The following ANK3 variants were observed in gnomAD, a reference collection of about 807,000 sequenced individuals.
ANK3 encodes the protein ankyrin-3.
ANK3 carries 57 observed loss-of-function variants against 370.9 expected under a neutral mutation model. The observed-to-expected ratio is 0.15, with a 90% confidence interval of 0.12 to 0.19. The LOEUF (loss-of-function observed/expected upper bound fraction) is 0.19. Ranked by LOEUF, ANK3 falls within the 10% of genes least tolerant of loss-of-function variation. The probability of loss-of-function intolerance (pLI) is 1.00; values close to 1 mark genes in which losing one functional copy is unlikely to be tolerated. For synonymous variants in ANK3, 1,929 were observed against 1,946.3 expected, an observed-to-expected ratio of 0.99 and a Z score of 0.23; for missense variants, 4,439 against 5,302.1, an observed-to-expected ratio of 0.84 and a Z score of 5.06.
chr10:60,130,102 G>T (rs1290798429), intron 25 of ANK3, among the ~76,000 whole-genome samples: 2 of 152,184 alleles, frequency 1.3e-5, no homozygotes, highest in Non-Finnish European at 1.5e-5. Context: ...GGAAGTTCAT[G>T]ATAACCTGTA....
chr10:60,327,747 G>A (rs924543440), intron 1 of ANK3, among the ~76,000 whole-genome samples: 6 of 152,084 alleles, frequency 3.9e-5, no homozygotes, highest in African/African-American at 7.2e-5. Flanking sequence ...CTACAGCTCC[G>A]CAGCCTGGCT....
At chr10:60,627,410 TAAAAAA>T (rs2078426405) in intron 1 of ANK3, among the ~76,000 whole-genome samples, 1 of 138,034 alleles carries the variant, frequency 7.2e-6, no homozygotes, top group Admixed American at 7.8e-5. Flanking sequence ...AAAAAAAAGA[TAAAAAA>T]TAAAAATAAA....
chr10:60,500,332 A>G (rs1007552254), intron 2 of ANK3, among the ~76,000 whole-genome samples: 1 of 152,190 alleles, frequency 6.6e-6, no homozygotes, highest in African/African-American at 2.4e-5. Context: ...AATCATGCAT[A>G]CCAAACCTCA....
At chr10:60,281,440 G>A (rs1224948153) in intron 1 of ANK3, among the ~76,000 whole-genome samples, 1 of 152,172 alleles carries the variant, frequency 6.6e-6, no homozygotes, top group East Asian at 1.9e-4. Context: ...TCCTAGTTGA[G>A]AACCACTGCT....
upstream of ANK3, among the ~76,000 whole-genome samples, chr10:60,391,030 T>C (rs1246202800): frequency 6.6e-6 from 1 of 152,188 alleles, no homozygotes; most frequent in African/African-American, 2.4e-5. Flanking sequence ...CAAACAACTT[T>C]TACTCACCAT....
intron 2 of ANK3, among the ~76,000 whole-genome samples, chr10:60,409,045 G>C (rs1356714848): frequency 6.6e-6 from 1 of 152,162 alleles, no homozygotes; most frequent in African/African-American, 2.4e-5. Context: ...CAATATATCT[G>C]GGAAGGCAAA....
At chr10:60,395,306 G>A (rs889895792) in intron 2 of ANK3, among the ~76,000 whole-genome samples, 3 of 152,144 alleles carry the variant, frequency 2.0e-5, no homozygotes, top group Non-Finnish European at 1.5e-5. Context: ...TATTTGGGAT[G>A]TGTTCAGTTA....
intron 1 of ANK3, among the ~76,000 whole-genome samples, chr10:60,311,033 T>G (rs1262514132): frequency 6.6e-6 from 1 of 152,104 alleles, no homozygotes; most frequent in Non-Finnish European, 1.5e-5. Flanking sequence ...GGAGGAGTAG[T>G]CAGTTATCAG....
intron 1 of ANK3, among the ~76,000 whole-genome samples, chr10:60,631,223 A>G (rs1029207520): frequency 6.6e-6 from 1 of 152,078 alleles, no homozygotes; most frequent in Non-Finnish European, 1.5e-5. Context: ...AAAGTCATAG[A>G]TTTCCTTATA....
chr10:60,724,477 C>A (rs992674928), intron 1 of ANK3, among the ~76,000 whole-genome samples: 3 of 152,056 alleles, frequency 2.0e-5, no homozygotes, highest in Admixed American at 2.0e-4. Flanking sequence ...ATACACATAG[C>A]AAACTATTTT....
At chr10:60,188,393 T>C (rs1325281021) in intron 16 of ANK3, among the ~76,000 whole-genome samples, 1 of 152,194 alleles carries the variant, frequency 6.6e-6, no homozygotes, top group African/African-American at 2.4e-5. Context: ...AACCTGAGTA[T>C]GTAAAATATG....
At chr10:60,350,623 G>A (rs2056661727) in intron 1 of ANK3, among the ~76,000 whole-genome samples, 1 of 151,630 alleles carries the variant, frequency 6.6e-6, no homozygotes, top group African/African-American at 2.4e-5. Context: ...AGCTCTAATC[G>A]CTAAAGGAAA....
chr10:60,316,328 A>G (rs2047400757), intron 1 of ANK3, among the ~76,000 whole-genome samples: 1 of 152,190 alleles, frequency 6.6e-6, no homozygotes, highest in Non-Finnish European at 1.5e-5. Flanking sequence ...ACAAAAAAGC[A>G]GGAAGTCTCA....
intron 2 of ANK3, among the ~76,000 whole-genome samples, chr10:60,502,107 T>G (rs995431482): frequency 6.6e-6 from 1 of 152,206 alleles, no homozygotes; most frequent in Non-Finnish European, 1.5e-5. Flanking sequence ...TGACCAGAAC[T>G]TCTGACCAGC....
chr10:60,197,721 C>T (rs61157607), intron 14 of ANK3, among the ~76,000 whole-genome samples: 3,674 of 152,226 alleles, frequency 0.024, 147 homozygotes, highest in African/African-American at 0.083. Flanking sequence ...TTGGAAGATG[C>T]GCCACAAGCC....
chr10:60,141,098 A>C, intron 23 of ANK3: 1 of 904,718 alleles, frequency 1.1e-6, no homozygotes, highest in Non-Finnish European at 1.3e-6. Flanking sequence ...CCTGCCCTTG[A>C]GTTGAGGTTG....
In ANK3 at chr10:60,702,625, A is replaced by G. The variant is rs369796424; in HGVS notation, c.57+30638T>C. 2.6e-5 allele frequency among the ~76,000 whole-genome samples: 4 copies of G among 152,222 alleles called. No homozygotes were observed. The East Asian group carries it at 5.8e-4, about 22-fold the overall frequency. On this transcript the variant is annotated intron_variant, in intron 1 of 43. Coordinates refer to the ANK3 transcript ENST00000373827. The stretch of plus-strand genomic sequence containing the variant: ...ATTATTTTGAAAACTTTCTATATGA[A>G]CTGTACCAAAAGATAAGCAAATAGT...
At chr10:60,659,268 A>G (rs999459519) in intron 1 of ANK3, among the ~76,000 whole-genome samples, 7 of 152,160 alleles carry the variant, frequency 4.6e-5, no homozygotes, top group African/African-American at 1.7e-4. Context: ...CAGTTTTGAC[A>G]TAATTATGGC....
intron 23 of ANK3, among the ~76,000 whole-genome samples, chr10:60,154,711 C>A (rs1456327016): frequency 6.6e-6 from 1 of 152,160 alleles, no homozygotes; most frequent in East Asian, 1.9e-4. Flanking sequence ...AGGAGAATCA[C>A]TTGAACCTGG....
Sources: gnomAD v4.1 joint callset for allele counts (sites outside exome capture counted in the v4.1 genomes callset) on GRCh38, gnomAD v4.1.1 for gene constraint, MANE v1.5 for transcripts, NCBI Gene and HGNC (gene_info 2026-07-23, HGNC 2026-07-21) for gene names.